LDAH: variants seen among roughly 807,000 people sequenced by gnomAD.
LDAH encodes lipid droplet associated hydrolase.
LDAH carries 26 observed loss-of-function variants against 29.6 expected under a neutral mutation model. The observed-to-expected ratio is 0.88, with a 90% confidence interval of 0.64 to 1.22. The LOEUF is 1.22. Ranked by LOEUF, LDAH falls within the 50% of genes most tolerant of loss-of-function variation. LDAH has a pLI of 0.00. For missense variants in LDAH, 344 were observed against 387.3 expected, an observed-to-expected ratio of 0.89 and a Z score of 0.94; for synonymous variants, 117 against 133.0, an observed-to-expected ratio of 0.88 and a Z score of 0.83.
intron 1 of LDAH, among the ~76,000 whole-genome samples, chr2:20,809,434 A>G (rs906060037): frequency 2.0e-5 from 3 of 152,078 alleles, no homozygotes; most frequent in Non-Finnish European, 4.4e-5. Context: ...TCCATCCTCC[A>G]TTAGAATTAA....
intron 4 of LDAH, among the ~76,000 whole-genome samples, chr2:20,752,290 A>C (rs116070208): frequency 1.3e-5 from 2 of 152,208 alleles, no homozygotes; most frequent in Non-Finnish European, 2.9e-5. Context: ...CATAGAGATA[A>C]ACAGGTGGAA....
intron 5 of LDAH, among the ~76,000 whole-genome samples, chr2:20,729,822 G>C (rs1003461204): frequency 6.6e-6 from 1 of 152,088 alleles, no homozygotes; most frequent in South Asian, 2.1e-4. Context: ...AAGAGACAGG[G>C]TCTTCCTCTG....
chr2:20,818,513 A>G (rs1165667033), intron 1 of LDAH, among the ~76,000 whole-genome samples: 1 of 152,062 alleles, frequency 6.6e-6, no homozygotes, highest in East Asian at 1.9e-4. Flanking sequence ...AAGAACAAGT[A>G]ATTGTTTTCT....
intron 6 of LDAH, among the ~76,000 whole-genome samples, chr2:20,691,143 T>C (rs1271112337): frequency 6.6e-6 from 1 of 151,734 alleles, no homozygotes; most frequent in African/African-American, 2.4e-5. Flanking sequence ...AGTGTGAGAG[T>C]TGTCAACAGG....
intron 4 of LDAH, among the ~76,000 whole-genome samples, chr2:20,756,100 T>C (rs775937555): frequency 2.0e-5 from 3 of 152,026 alleles, no homozygotes; most frequent in Non-Finnish European, 4.4e-5. Context: ...GGCGCGGTCT[T>C]GGCTCCGGGC....
chr2:20,725,591 T>C (rs1249519267), intron 5 of LDAH, among the ~76,000 whole-genome samples: 3 of 152,212 alleles, frequency 2.0e-5, no homozygotes, highest in Non-Finnish European at 4.4e-5. Flanking sequence ...GTGGATGTAG[T>C]AGACGCAATG....
At chr2:20,720,952 G>A (rs1665605513) in intron 5 of LDAH, among the ~76,000 whole-genome samples, 2 of 152,116 alleles carry the variant, frequency 1.3e-5, no homozygotes, top group Admixed American at 6.5e-5. Flanking sequence ...AAGCTAGATC[G>A]ATCCTATCTT....
intron 5 of LDAH, among the ~76,000 whole-genome samples, chr2:20,722,421 C>G (rs1293311990): frequency 2.8e-5 from 4 of 140,738 alleles, no homozygotes; most frequent in African/African-American, 2.6e-5. Flanking sequence ...CAGGGGTAGA[C>G]AGTAGAATGG....
At chr2:20,719,240 T>TTTTTA (rs1553338633) in intron 5 of LDAH, among the ~76,000 whole-genome samples, 19 of 148,686 alleles carry the variant, frequency 1.3e-4, no homozygotes, top group Non-Finnish European at 2.8e-4. Context: ...TTTTTTTTTT[T>TTTTTA]AAAGATAGAC....
rs1350471592 is a variant in LDAH at position 20,802,071 on chromosome 2, C to CAT, written c.-2-608_-2-607dup. On this transcript the variant is annotated intron_variant, in intron 1 of 6. Transcript: ENST00000237822. ...TCTATCTATATACACACACAATATA[C>CAT]ATGTATATATATATACATATATACG... 8.3e-4 allele frequency among the ~76,000 whole-genome samples: 125 copies of CAT among 151,098 alleles called. 1 individual carries two copies. Among genetic ancestry groups the CAT allele is most frequent in the African/African-American group, 2.7e-3 (109 of 40,984 alleles).
chr2:20,717,162 T>C (rs1033648497), intron 5 of LDAH, among the ~76,000 whole-genome samples: 4 of 152,170 alleles, frequency 2.6e-5, no homozygotes, highest in Non-Finnish European at 5.9e-5. Flanking sequence ...TTCTAGAAGA[T>C]AACATAGGAG....
At chr2:20,802,075 T>C (rs1294307561) in intron 1 of LDAH, among the ~76,000 whole-genome samples, 1 of 151,050 alleles carries the variant, frequency 6.6e-6, no homozygotes, top group African/African-American at 2.4e-5. Context: ...AATATACATG[T>C]ATATATATAT....
At chr2:20,747,300 AC>A (rs1416688319) in intron 4 of LDAH, among the ~76,000 whole-genome samples, 1 of 152,160 alleles carries the variant, frequency 6.6e-6, no homozygotes, top group African/African-American at 2.4e-5. Context: ...CTTCAAAAAA[AC>A]ATTATCACTG....
intron 4 of LDAH, among the ~76,000 whole-genome samples, chr2:20,761,696 C>G (rs1316909492): frequency 6.6e-6 from 1 of 152,088 alleles, no homozygotes. Context: ...ACAATGTTCA[C>G]TATTTGGGTA....
At chr2:20,777,358 T>C (rs780097885) in intron 3 of LDAH, among the ~76,000 whole-genome samples, 13 of 152,204 alleles carry the variant, frequency 8.5e-5, no homozygotes, top group Non-Finnish European at 1.6e-4. Flanking sequence ...GTAAGATTAA[T>C]GGGGAAAGTA....
intron 4 of LDAH, among the ~76,000 whole-genome samples, chr2:20,757,957 C>A (rs992051900): frequency 6.6e-6 from 1 of 152,152 alleles, no homozygotes; most frequent in African/African-American, 2.4e-5. Flanking sequence ...AGTTTGCTGA[C>A]TACAGATCTT....
intron 2 of LDAH, among the ~76,000 whole-genome samples, chr2:20,793,932 T>C (rs1483633642): frequency 3.9e-5 from 6 of 152,112 alleles, no homozygotes; most frequent in Non-Finnish European, 5.9e-5. Context: ...CTATCAAACA[T>C]TTAAGGAAGA....
At chr2:20,696,319 T>C (rs1401330174) in intron 6 of LDAH, among the ~76,000 whole-genome samples, 1 of 152,106 alleles carries the variant, frequency 6.6e-6, no homozygotes, top group Non-Finnish European at 1.5e-5. Flanking sequence ...CTAAGAGGGA[T>C]GGGGAGAGAG....
chr2:20,768,543 C>T (rs557775181), intron 4 of LDAH, among the ~76,000 whole-genome samples: 5 of 152,276 alleles, frequency 3.3e-5, no homozygotes, highest in South Asian at 4.1e-4. Context: ...CATCACTCCA[C>T]GCCTGACTCT....
Sources: gnomAD v4.1 joint callset for allele counts (sites outside exome capture counted in the v4.1 genomes callset) on GRCh38, gnomAD v4.1.1 for gene constraint, MANE v1.5 for transcripts, NCBI Gene and HGNC (gene_info 2026-07-23, HGNC 2026-07-21) for gene names.